The following GNAL variants were observed in gnomAD, a reference collection of about 807,000 sequenced individuals.
GNAL encodes the protein guanine nucleotide-binding protein G(olf) subunit alpha.
A neutral mutation model predicts 55.1 loss-of-function variants in GNAL; 18 were observed. The ratio of observed to expected loss-of-function variants is 0.33; its 90% CI spans 0.23 to 0.48. The LOEUF (loss-of-function observed/expected upper bound fraction) is 0.48. Ranked by LOEUF, GNAL falls within the 20% of genes least tolerant of loss-of-function variation. GNAL has a pLI of 0.99. For synonymous variants in GNAL, 253 were observed against 237.0 expected (o/e 1.07, Z -0.62); for missense variants, 412 against 614.1 (o/e 0.67, Z 3.48).
At chr18:11,872,220 C>G (rs200124468) in intron 9 of GNAL, 48 bp from the exon 10 acceptor site, 22 of 1,303,804 alleles carry the variant, frequency 1.7e-5, no homozygotes, top group Non-Finnish European at 2.3e-5. Context: ...GAGGCACTTT[C>G]ATGTACTAGT....
rs145244326 is a variant in GNAL at position 11,717,643 on chromosome 18, G to A, written c.376+27704G>A. On this transcript the variant is annotated intron_variant, in intron 1 of 11. Coordinates refer to ENST00000334049, the MANE Select transcript of GNAL (RefSeq NM_182978.4). The stretch of plus-strand genomic sequence containing the variant: ...AAGAACGAGGTCATGTCCTTTGCAG[G>A]AACATGGGTGGAGCTGGAATCCATT... Among the ~76,000 whole-genome samples the A allele has an allele frequency of 1.3e-3, 196 of 152,316 alleles. No individual in the cohort carries two copies. In the Middle Eastern group the frequency reaches 0.02, roughly 16 times the overall value.
intron 4 of GNAL, among the ~76,000 whole-genome samples, chr18:11,798,007 T>C (rs1346317492): frequency 6.6e-6 from 1 of 152,162 alleles, no homozygotes; most frequent in African/African-American, 2.4e-5. Flanking sequence ...TAGGTTTCCT[T>C]CAACAACATA....
Position 11,881,247 on chromosome 18 carries a change from T to C in GNAL, c.*112T>C. The C allele has an allele frequency of 9.0e-7, 1 of 1,111,892 alleles. No individual in the cohort carries two copies. Among genetic ancestry groups the C allele is most frequent in the Non-Finnish European group, 1.3e-6 (1 of 793,490 alleles). The allele number at this position is 1,111,892 out of a possible 1,614,324, so 68.9% of individuals were successfully genotyped here. A position where few individuals can be genotyped will look rare whatever the true frequency, so the allele number is the denominator to read the frequency against. ...TTCCATCTCGCTGCCGTCTGTCCCGTTCTGTGTCGACCACCAAGCCTCTGG... is the reference window on the plus strand; with the variant it reads ...TTCCATCTCGCTGCCGTCTGTCCCGCTCTGTGTCGACCACCAAGCCTCTGG... On this transcript the variant is annotated 3_prime_UTR_variant, in exon 12 of 12. Transcript: ENST00000334049. The surrounding 1 kb of genome is among the most constrained non-coding windows in gnomAD (Gnocchi z 4.8).
intron 4 of GNAL, among the ~76,000 whole-genome samples, chr18:11,785,243 T>C (rs2034024501): frequency 6.6e-6 from 1 of 152,014 alleles, no homozygotes; most frequent in African/African-American, 2.4e-5. Flanking sequence ...TACCTGAAAG[T>C]TGGGATAAAG....
chr18:11,851,620 A>G, intron 5 of GNAL: 1 of 1,613,922 alleles, frequency 6.2e-7, no homozygotes, highest in Non-Finnish European at 8.5e-7. Context: ...GGCCAAAATT[A>G]AAAAGGCCAT....
At chr18:11,708,122 C>G (rs776202973) in intron 1 of GNAL, among the ~76,000 whole-genome samples, 10 of 152,240 alleles carry the variant, frequency 6.6e-5, no homozygotes, top group Non-Finnish European at 1.3e-4. Context: ...CAAGAAGTCT[C>G]TCTTGGCATT....
At chr18:11,771,500 C>T (rs1045936709) in intron 4 of GNAL, among the ~76,000 whole-genome samples, 24 of 152,008 alleles carry the variant, frequency 1.6e-4, no homozygotes, top group Admixed American at 1.4e-3. Context: ...TGTACACCCA[C>T]GGGAATTCTC....
intron 1 of GNAL, 81 bp downstream of exon 1, chr18:11,690,020 T>TCACCGGGGAGCGGC (rs2031189948): frequency 1.1e-6 from 1 of 877,230 alleles, no homozygotes; most frequent in African/African-American, 1.9e-5. Flanking sequence ...CGGGGAGCGG[T>TCACCGGGGAGCGGC]GGCGGGCACC....
chr18:11,790,833 A>C (rs907758767), intron 4 of GNAL, among the ~76,000 whole-genome samples: 4 of 151,256 alleles, frequency 2.6e-5, no homozygotes, highest in Non-Finnish European at 5.9e-5. Flanking sequence ...ATTTTTTTGT[A>C]TATTTAGTAG....
At chr18:11,756,747 TG>T (rs2033069627) in intron 4 of GNAL, among the ~76,000 whole-genome samples, 1 of 152,184 alleles carries the variant, frequency 6.6e-6, no homozygotes, top group South Asian at 2.1e-4. Flanking sequence ...TCATTCAGAA[TG>T]ATATCAAGAC....
intron 1 of GNAL, among the ~76,000 whole-genome samples, 192 bp downstream of exon 1, chr18:11,690,131 T>C (rs2031195604): frequency 6.6e-6 from 1 of 150,622 alleles, no homozygotes; most frequent in African/African-American, 2.5e-5. Context: ...GGTGGAATGG[T>C]TCCCCTGACC....
chr18:11,743,759 G>A (rs930813607), intron 1 of GNAL, among the ~76,000 whole-genome samples: 2 of 152,238 alleles, frequency 1.3e-5, no homozygotes, highest in Non-Finnish European at 2.9e-5. Context: ...GATTGAAACA[G>A]ATGGGGTTGC....
At chr18:11,873,776 C>A (rs946558294) in intron 10 of GNAL, among the ~76,000 whole-genome samples, 1 of 152,228 alleles carries the variant, frequency 6.6e-6, no homozygotes, top group Non-Finnish European at 1.5e-5. Flanking sequence ...TCCCAGCAAG[C>A]TGGGTCTTTA....
chr18:11,820,230 A>C (rs1407285414), intron 4 of GNAL, among the ~76,000 whole-genome samples: 3 of 152,136 alleles, frequency 2.0e-5, no homozygotes, highest in Admixed American at 6.5e-5. Flanking sequence ...AGCTCTTCTT[A>C]TATCTGTTGT....
chr18:11,857,465 C>CA, intron 5 of GNAL: 22 of 984,676 alleles, frequency 2.2e-5, no homozygotes, highest in Non-Finnish European at 2.7e-5. Context: ...GGAGACTGGA[C>CA]AGACTGCAAA....
intron 1 of GNAL, among the ~76,000 whole-genome samples, chr18:11,739,731 G>A (rs2032535620): frequency 6.6e-6 from 1 of 151,138 alleles, no homozygotes; most frequent in Non-Finnish European, 1.5e-5. Context: ...CATACACTCT[G>A]TGGTGTCCTT....
intron 1 of GNAL, among the ~76,000 whole-genome samples, chr18:11,694,622 A>G (rs1046413215): frequency 1.3e-5 from 2 of 152,068 alleles, no homozygotes; most frequent in Non-Finnish European, 2.9e-5. Flanking sequence ...AGGAGTGGGG[A>G]GCTCACGGGC....
chr18:11,831,336 C>T (rs1469759686), intron 5 of GNAL, among the ~76,000 whole-genome samples: 2 of 152,046 alleles, frequency 1.3e-5, no homozygotes, highest in East Asian at 1.9e-4. Flanking sequence ...TTCTGAAGTA[C>T]AGGTTAAGGT....
intron 1 of GNAL, among the ~76,000 whole-genome samples, chr18:11,720,100 A>G (rs982365340): frequency 6.6e-6 from 1 of 152,212 alleles, no homozygotes; most frequent in Non-Finnish European, 1.5e-5. Context: ...CAAGCACCAC[A>G]TGATGCTTAT....
Sources: gnomAD v4.1 joint callset for allele counts (sites outside exome capture counted in the v4.1 genomes callset) on GRCh38, gnomAD v4.1.1 for gene constraint, Gnocchi (gnomAD v3.1) non-coding constraint, MANE v1.5 for transcripts, NCBI Gene and HGNC (gene_info 2026-07-23, HGNC 2026-07-21) for gene names.